Variants in MALRD1 observed in about 807,000 individuals in gnomAD.
The protein encoded by MALRD1 is MAM and LDL receptor class A domain containing 1, also known as MAM and LDL-receptor class A domain-containing protein 1.
Under a neutral mutation model 242.1 loss-of-function variants are expected in MALRD1, and 247 were observed. The observed-to-expected ratio is 1.02, with a 90% confidence interval of 0.92 to 1.13. MALRD1 has a LOEUF of 1.13. Among genes scored for constraint, MALRD1 ranks in the 50% most tolerant of loss-of-function variants. The pLI is 0.00. For synonymous variants in MALRD1, 995 were observed against 866.6 expected (o/e 1.15, Z -2.60); for missense variants, 2,989 against 2,533.1 (o/e 1.18, Z -3.86).
intron 28 of MALRD1, among the ~76,000 whole-genome samples, chr10:19,396,140 TC>T (rs940706373): frequency 4.9e-5 from 5 of 101,444 alleles, no homozygotes; most frequent in African/African-American, 2.1e-4. Flanking sequence ...TTTTTTTTTT[TC>T]TTTTTTTTTT....
At chr10:19,148,214 C>T (rs1053153951) in intron 11 of MALRD1, among the ~76,000 whole-genome samples, 2 of 151,540 alleles carry the variant, frequency 1.3e-5, no homozygotes, top group Non-Finnish European at 2.9e-5. Context: ...GGCAGTGATT[C>T]TCAAAGGGAA....
At position 19,315,154 on chromosome 10, in the gene MALRD1, GAAATATGT is replaced by G. The variant is rs797003962; in HGVS notation, c.3420-8788_3420-8781del. On this transcript the variant is annotated intron_variant, in intron 21 of 39. Transcript: ENST00000454679. ...TAGAAATATGTAAATATAATTTATA[GAAATATGT>G]AAATATAATTTATATAAATATATAA... Among the ~76,000 whole-genome samples, 22 of 112,972 alleles carry G rather than the reference GAAATATGT, an allele frequency of 1.9e-4. 1 individual carries two copies. Among genetic ancestry groups the G allele is most frequent in the African/African-American group, 2.2e-4 (6 of 27,418 alleles). 74.1% of individuals were successfully genotyped at this position (112,972 alleles called of 152,430 possible).
chr10:19,086,851 G>A (rs1226109572), intron 2 of MALRD1, among the ~76,000 whole-genome samples: 3 of 152,022 alleles, frequency 2.0e-5, no homozygotes, highest in African/African-American at 4.8e-5. Context: ...GAATGTTTCT[G>A]TGTCTCTTTG....
intron 18 of MALRD1, among the ~76,000 whole-genome samples, chr10:19,215,792 ATAG>A: frequency 1.9e-5 from 1 of 54,032 alleles, no homozygotes; most frequent in East Asian, 4.1e-4. Flanking sequence ...GTATAAATAA[ATAG>A]TATATTTATT....
At chr10:19,108,069 A>T (rs893288136) in intron 5 of MALRD1, among the ~76,000 whole-genome samples, 1 of 152,134 alleles carries the variant, frequency 6.6e-6, no homozygotes, top group African/African-American at 2.4e-5. Flanking sequence ...CTATTATTTT[A>T]ATAAGTAAGA....
At chr10:19,433,268 G>C (rs1184598611) in intron 28 of MALRD1, among the ~76,000 whole-genome samples, 1 of 152,000 alleles carries the variant, frequency 6.6e-6, no homozygotes, top group Non-Finnish European at 1.5e-5. Context: ...AGGCTCCCAT[G>C]AGGACGTGAT....
At chr10:19,164,240 C>T (rs1834570398) in intron 12 of MALRD1, among the ~76,000 whole-genome samples, 2 of 151,880 alleles carry the variant, frequency 1.3e-5, no homozygotes, top group Non-Finnish European at 2.9e-5. Context: ...AAATGTGTAC[C>T]AAATAGAATG....
chr10:19,434,477 A>G (rs1490694056), intron 28 of MALRD1, among the ~76,000 whole-genome samples: 3 of 152,008 alleles, frequency 2.0e-5, no homozygotes, highest in Non-Finnish European at 2.9e-5. Flanking sequence ...ATTAACATAT[A>G]TATAAACTTT....
intron 26 of MALRD1, among the ~76,000 whole-genome samples, chr10:19,367,473 G>A (rs776267315): frequency 9.2e-5 from 14 of 151,988 alleles, no homozygotes; most frequent in Admixed American, 3.9e-4. Flanking sequence ...GAATAAGATT[G>A]CATTGCATAT....
chr10:19,214,874 T>A (rs569490064), intron 18 of MALRD1, among the ~76,000 whole-genome samples: 4 of 152,140 alleles, frequency 2.6e-5, no homozygotes, highest in African/African-American at 9.7e-5. Flanking sequence ...AGCAGAAACA[T>A]TGTGGTGTTA....
intron 31 of MALRD1, among the ~76,000 whole-genome samples, chr10:19,511,459 T>G (rs1245327982): frequency 1.3e-5 from 2 of 151,980 alleles, no homozygotes; most frequent in African/African-American, 4.9e-5. Context: ...CATAGCATGG[T>G]TAGAGCCCAT....
At chr10:19,325,294 C>A (rs78479086) in intron 22 of MALRD1, among the ~76,000 whole-genome samples, 1 of 151,966 alleles carries the variant, frequency 6.6e-6, no homozygotes, top group Non-Finnish European at 1.5e-5. Context: ...CCATGTCTCT[C>A]TAAAAAGGCC....
intron 4 of MALRD1, among the ~76,000 whole-genome samples, chr10:19,102,247 C>T (rs1836293225): frequency 6.6e-6 from 1 of 151,318 alleles, no homozygotes; most frequent in Non-Finnish European, 1.5e-5. Flanking sequence ...TCTAGCCATA[C>T]TTTTAATCAC....
chr10:19,331,208 T>C (rs576537161), intron 23 of MALRD1, among the ~76,000 whole-genome samples, 161 bp from the exon 24 acceptor site: 1 of 152,198 alleles, frequency 6.6e-6, no homozygotes, highest in South Asian at 2.1e-4. Context: ...TCCTTAAATT[T>C]CCTGGGTCAC....
intron 28 of MALRD1, among the ~76,000 whole-genome samples, chr10:19,402,235 A>G (rs12415710): frequency 0.16 from 24,476 of 152,152 alleles, 2,099 homozygotes; most frequent in East Asian, 0.27. Flanking sequence ...ACCAAACTTG[A>G]GTCCCAGAGA....
At chr10:19,592,210 C>T (rs1564467306) in intron 33 of MALRD1, among the ~76,000 whole-genome samples, 1 of 152,172 alleles carries the variant, frequency 6.6e-6, no homozygotes, top group Admixed American at 6.5e-5. Flanking sequence ...CTTAGAAATT[C>T]TCTCAGGAAC....
intron 18 of MALRD1, among the ~76,000 whole-genome samples, chr10:19,226,653 T>G (rs1475336606): frequency 6.6e-6 from 1 of 151,302 alleles, no homozygotes; most frequent in Non-Finnish European, 1.5e-5. Context: ...GAAGGAGGAA[T>G]GGACAGAAAG....
At chr10:19,526,194 G>A (rs148524942) in intron 31 of MALRD1, among the ~76,000 whole-genome samples, 110 of 152,010 alleles carry the variant, frequency 7.2e-4, no homozygotes, top group African/African-American at 2.5e-3. Context: ...TTTGAAAGTG[G>A]GTCTAGTCTG....
intron 36 of MALRD1, among the ~76,000 whole-genome samples, chr10:19,629,480 G>T (rs73595881): frequency 2.0e-5 from 3 of 152,060 alleles, no homozygotes; most frequent in Admixed American, 1.3e-4. Context: ...TAAGAATCAG[G>T]AGATTCAAAA....
Sources: gnomAD v4.1 joint callset for allele counts (sites outside exome capture counted in the v4.1 genomes callset) on GRCh38, gnomAD v4.1.1 for gene constraint, MANE v1.5 for transcripts, NCBI Gene and HGNC (gene_info 2026-07-23, HGNC 2026-07-21) for gene names.